Variants in ADAMTSL3 observed in about 807,000 individuals in gnomAD.
ADAMTSL3 encodes the protein ADAMTS-like protein 3.
In ADAMTSL3, 128 loss-of-function variants were observed where a neutral mutation model predicts 201.7. The observed-to-expected ratio is 0.63, with a 90% CI of 0.55 to 0.73. ADAMTSL3 has a LOEUF of 0.73. Ranked by LOEUF, ADAMTSL3 falls within the 30% of genes least tolerant of loss-of-function variation. ADAMTSL3 has a pLI of 0.00. For missense variants in ADAMTSL3, 1,990 were observed against 2,119.6 expected, an observed-to-expected ratio of 0.94 and a Z score of 1.20; for synonymous variants, 738 against 748.4, an observed-to-expected ratio of 0.99 and a Z score of 0.23.
intron 3 of ADAMTSL3, among the ~76,000 whole-genome samples, chr15:83,720,812 T>C (rs1347776289): frequency 6.6e-6 from 1 of 152,224 alleles, no homozygotes; most frequent in Non-Finnish European, 1.5e-5. Context: ...AGTACTTTTA[T>C]AATATAAAAT....
chr15:83,783,250 G>T (rs919534918), intron 4 of ADAMTSL3, among the ~76,000 whole-genome samples: 11 of 151,652 alleles, frequency 7.3e-5, no homozygotes, highest in African/African-American at 2.7e-4. Flanking sequence ...ACCATTAAAA[G>T]CAAAATAAAA....
At chr15:83,991,405 C>G (rs1029374403) in intron 23 of ADAMTSL3, among the ~76,000 whole-genome samples, 191 bp downstream of exon 23, 4 of 152,164 alleles carry the variant, frequency 2.6e-5, no homozygotes, top group Admixed American at 2.0e-4. Flanking sequence ...CTCATGAGAC[C>G]GATGTATAAA....
intron 16 of ADAMTSL3, among the ~76,000 whole-genome samples, chr15:83,917,696 G>A (rs1352012417): frequency 1.3e-5 from 2 of 151,936 alleles, no homozygotes; most frequent in African/African-American, 4.8e-5. Context: ...AACAACACAG[G>A]CTAGGAGTAT....
intron 3 of ADAMTSL3, among the ~76,000 whole-genome samples, chr15:83,727,065 A>G (rs1237179200): frequency 1.3e-4 from 19 of 151,934 alleles, no homozygotes; most frequent in Admixed American, 1.0e-3. Context: ...GGCTTCAATC[A>G]CATTACTTGT....
chr15:83,755,771 T>G (rs1329555500), intron 3 of ADAMTSL3, among the ~76,000 whole-genome samples: 1 of 152,150 alleles, frequency 6.6e-6, no homozygotes, highest in Non-Finnish European at 1.5e-5. Context: ...TTTTTTTTTT[T>G]TTGAGACATT....
chr15:83,934,151 C>T (rs1037329662), intron 17 of ADAMTSL3, among the ~76,000 whole-genome samples: 24 of 152,158 alleles, frequency 1.6e-4, no homozygotes, highest in African/African-American at 5.5e-4. Context: ...CTGCAGACAA[C>T]GTCAGCCCAT....
At chr15:83,774,346 C>T (rs1480218264) in intron 4 of ADAMTSL3, among the ~76,000 whole-genome samples, 3 of 152,190 alleles carry the variant, frequency 2.0e-5, no homozygotes, top group East Asian at 3.8e-4. Flanking sequence ...AGTAAATTGG[C>T]CTTTGCCGAT....
chr15:83,874,477 T>G, intron 9 of ADAMTSL3, among the ~76,000 whole-genome samples: 1 of 141,204 alleles, frequency 7.1e-6, no homozygotes, highest in Non-Finnish European at 1.5e-5. Flanking sequence ...GGCCAGGGGG[T>G]GACATGGTGC....
At chr15:83,691,902 C>T (rs769839210) in intron 2 of ADAMTSL3, among the ~76,000 whole-genome samples, 6 of 152,160 alleles carry the variant, frequency 3.9e-5, no homozygotes, top group African/African-American at 1.2e-4. Context: ...GTGTGAACCA[C>T]GGCGCCCAGC....
chr15:84,027,146 TC>T (rs1275877555), intron 27 of ADAMTSL3, among the ~76,000 whole-genome samples: 3 of 152,194 alleles, frequency 2.0e-5, no homozygotes, highest in African/African-American at 7.2e-5. Context: ...TTTCCATTAG[TC>T]ATTAAAAAAT....
chr15:83,737,304 G>C (rs945896665), intron 3 of ADAMTSL3, among the ~76,000 whole-genome samples: 1 of 152,092 alleles, frequency 6.6e-6, no homozygotes, highest in African/African-American at 2.4e-5. Flanking sequence ...TAATTGATAT[G>C]GTTAGGTTTT....
At chr15:83,663,707 A>G (rs969443258) in intron 2 of ADAMTSL3, among the ~76,000 whole-genome samples, 13 of 152,176 alleles carry the variant, frequency 8.5e-5, no homozygotes, top group African/African-American at 3.1e-4. Context: ...TCAATATTCC[A>G]GTCTGTGTTG....
intron 7 of ADAMTSL3, among the ~76,000 whole-genome samples, chr15:83,855,083 C>T (rs937744694): frequency 6.6e-6 from 1 of 152,020 alleles, no homozygotes; most frequent in African/African-American, 2.4e-5. Context: ...GTTACACCTT[C>T]AACACTCAGC....
At chr15:83,742,361 T>G (rs2062470369) in intron 3 of ADAMTSL3, among the ~76,000 whole-genome samples, 1 of 152,092 alleles carries the variant, frequency 6.6e-6, no homozygotes, top group East Asian at 1.9e-4. Context: ...TAGAGAAAAC[T>G]TCCTATTAAA....
At chr15:83,748,651 A>C (rs1781261351) in intron 3 of ADAMTSL3, among the ~76,000 whole-genome samples, 4 of 80,920 alleles carry the variant, frequency 4.9e-5, no homozygotes, top group Non-Finnish European at 1.2e-4. Flanking sequence ...CCCTGTCTCA[A>C]AAAAAAAAAA....
chr15:83,749,061 C>G (rs916561895), intron 3 of ADAMTSL3, among the ~76,000 whole-genome samples: 2 of 152,110 alleles, frequency 1.3e-5, no homozygotes, highest in African/African-American at 4.8e-5. Flanking sequence ...AAAGCCTTGG[C>G]ACAGCCCACA....
At chr15:84,016,304 T>C in intron 24 of ADAMTSL3, 79 bp from the exon 25 acceptor site, 1 of 1,085,860 alleles carries the variant, frequency 9.2e-7, no homozygotes, top group Non-Finnish European at 1.4e-6. Flanking sequence ...TTCTAATAGC[T>C]GTCTTTAAGA....
At chr15:83,994,796 A>G (rs1198109859) in intron 23 of ADAMTSL3, among the ~76,000 whole-genome samples, 2 of 38,084 alleles carry the variant, frequency 5.3e-5, no homozygotes. Flanking sequence ...TTTAGTAGAG[A>G]CGGGGGTTTC....
intron 12 of ADAMTSL3, among the ~76,000 whole-genome samples, chr15:83,892,138 C>T (rs1449442979): frequency 6.6e-6 from 1 of 151,926 alleles, no homozygotes; most frequent in Non-Finnish European, 1.5e-5. Flanking sequence ...ATAGCTTGAA[C>T]CCAGGAGGCA....
Sources: allele counts gnomAD v4.1 joint callset (sites outside exome capture counted in the v4.1 genomes callset), GRCh38; gene constraint gnomAD v4.1.1; transcripts MANE v1.5; gene names NCBI Gene and HGNC (gene_info 2026-07-23, HGNC 2026-07-21).